The following CSDE1 variants were observed in gnomAD, a reference collection of about 807,000 sequenced individuals.
CSDE1 encodes the protein cold shock domain-containing protein E1.
Under a neutral mutation model 89.3 loss-of-function variants are expected in CSDE1, and 17 were observed. That is an observed-to-expected ratio of 0.19 (90% CI 0.13 to 0.29). CSDE1 has a LOEUF of 0.29. CSDE1 is among the 10% of genes least tolerant of loss of function. The probability of loss-of-function intolerance (pLI) is 1.00; values close to 1 mark genes in which losing one functional copy is unlikely to be tolerated. For missense variants in CSDE1, 672 were observed against 984.2 expected (o/e 0.68, Z 4.24); for synonymous variants, 322 against 332.8 (o/e 0.97, Z 0.35).
At chr1:114,752,080 C>T (rs1661338530) in intron 1 of CSDE1, among the ~76,000 whole-genome samples, 1 of 152,086 alleles carries the variant, frequency 6.6e-6, no homozygotes, top group South Asian at 2.1e-4. Flanking sequence ...GCCTGGGCAA[C>T]GTGGAGAAAC....
At chr1:114,731,405 A>AT (rs935464040) in intron 10 of CSDE1, among the ~76,000 whole-genome samples, 3 of 152,108 alleles carry the variant, frequency 2.0e-5, no homozygotes, top group African/African-American at 7.2e-5. Context: ...AAAAAAAAAA[A>AT]AATCACACAT....
intron 14 of CSDE1, among the ~76,000 whole-genome samples, chr1:114,725,578 G>C (rs529692272): frequency 2.6e-5 from 4 of 152,250 alleles, no homozygotes; most frequent in Admixed American, 6.5e-5. Flanking sequence ...AATTACACAG[G>C]TATAAAGTGG....
chr1:114,736,847 A>G lies in CSDE1; in HGVS notation c.411T>C (p.Phe137=). The change falls in exon 6 of 20, where the codon TTT becomes TTC. Residue 137 remains phenylalanine, a synonymous_variant. Coordinates refer to ENST00000358528, the MANE Select transcript of CSDE1 (RefSeq NM_001007553.3). ...CATCTTCAGGGGTGTAAGTCAGATA[A>G]AACACTTCCTGTGAATTAATAAATC... The part of the protein sequence containing the change: ...SVCYERNGEV[F]YLTYTPEDVE... The G allele has an allele frequency of 6.2e-7, 1 of 1,608,600 alleles. No individual in the cohort carries two copies. The highest frequency in any genetic ancestry group is 8.5e-7 in the Non-Finnish European group (1 of 1,175,970).
At chr1:114,737,816 CT>C (rs1660486317) in intron 4 of CSDE1, 146 bp downstream of exon 4, 2 of 665,770 alleles carry the variant, frequency 3.0e-6, no homozygotes, top group African/African-American at 1.8e-5. Context: ...AATGCCAGTG[CT>C]TTTGATTAAT....
chr1:114,732,484 C>T, intron 10 of CSDE1, 120 bp downstream of exon 10: 5 of 819,192 alleles, frequency 6.1e-6, no homozygotes, highest in Non-Finnish European at 9.8e-6. Flanking sequence ...ATCACCTTAA[C>T]AAGGTAAATG....
At chr1:114,725,504 A>G (rs540487366) in intron 14 of CSDE1, among the ~76,000 whole-genome samples, 171 bp from the exon 15 acceptor site, 1 of 152,344 alleles carries the variant, frequency 6.6e-6, no homozygotes, top group African/African-American at 2.4e-5. Context: ...TGCCCCATGA[A>G]GAGGTAACAT....
chr1:114,732,634 T>C lies in CSDE1; in HGVS notation c.1020A>G (p.Thr340=), dbSNP rs765615057. Residue 340 remains threonine, a synonymous_variant, in exon 10 of 20, where the codon ACA becomes ACG. Transcript: ENST00000358528. ...RATNIEVLSN[T]FQFTNEAREM... The stretch of plus-strand genomic sequence containing the variant: ...CTCGGGCTTCATTAGTGAACTGAAA[T>C]GTATTTGACAGAACTTCTATATTGG... The C allele has an allele frequency of 4.8e-5, 78 of 1,614,056 alleles. No homozygotes were observed. Among genetic ancestry groups the C allele is most frequent in the African/African-American group, 6.7e-5 (5 of 74,938 alleles).
chr1:114,737,361 A>C, intron 5 of CSDE1, 110 bp downstream of exon 5: 1 of 927,220 alleles, frequency 1.1e-6, no homozygotes, highest in Non-Finnish European at 1.6e-6. Context: ...AACCAAATTT[A>C]AAACTGATTT....
rs1359726020 is a variant in CSDE1, at chr1:114,737,981, T to C, written c.291A>G (p.Glu97=). The C allele has an allele frequency of 1.2e-6, 2 of 1,613,340 alleles. No homozygotes were observed. The highest frequency in any genetic ancestry group is 1.7e-5 in the Admixed American group (1 of 60,030). The stretch of plus-strand genomic sequence containing the variant: ...CACTAACTTGTCCATTCATTCGTTC[T>C]TCAGGGAGGATTTCTTGTTTTATCT... ...LVKIKQEILP[E]ERMNGQVVCA... Residue 97 remains glutamate (E), a synonymous_variant, in exon 4 of 20, where the codon GAA becomes GAG. Coordinates refer to ENST00000358528, the MANE Select transcript of CSDE1 (RefSeq NM_001007553.3).
intron 13 of CSDE1, among the ~76,000 whole-genome samples, 200 bp from the exon 14 acceptor site, chr1:114,726,586 GTCTGTATTCCTTATAGAT>G (rs1203842870): frequency 6.6e-6 from 1 of 152,058 alleles, no homozygotes; most frequent in African/African-American, 2.4e-5. Context: ...TTATCTTTCA[GTCTGTATTCCTTATAGAT>G]TCTGAATTTC....
chr1:114,721,902 A>C (rs573519163), intron 16 of CSDE1, among the ~76,000 whole-genome samples: 98 of 119,288 alleles, frequency 8.2e-4, no homozygotes, highest in African/African-American at 3.2e-3. Context: ...TTTTTTTTTG[A>C]GACGGAGTCA....
chr1:114,730,731 T>C, intron 10 of CSDE1, 83 bp from the exon 11 acceptor site: 1 of 1,522,152 alleles, frequency 6.6e-7, no homozygotes, highest in Non-Finnish European at 9.0e-7. Context: ...TCAAGTTAAA[T>C]TCATCAGGAA....
intron 16 of CSDE1, among the ~76,000 whole-genome samples, chr1:114,722,880 A>T (rs1659600976): frequency 6.6e-6 from 1 of 152,200 alleles, no homozygotes; most frequent in African/African-American, 2.4e-5. Context: ...CCATGTGGTA[A>T]AGGAATAGGT....
At position 114,730,729 on chromosome 1, in the gene CSDE1, A is replaced by T. The variant is rs1198864208; in HGVS notation, c.1051-81T>A. 3.9e-6 allele frequency: 6 copies of T among 1,527,412 alleles called. No individual in the cohort carries two copies. The African/African-American group carries it at 8.2e-5, about 21-fold the overall frequency. 94.6% of individuals were successfully genotyped at this position (1,527,412 alleles called of 1,614,324 possible). ...CAACTTTACAACCACCATCAAGTTAAATTCATCAGGAATTTTCTCTGATGT... is the reference window on the plus strand; with the variant it reads ...CAACTTTACAACCACCATCAAGTTATATTCATCAGGAATTTTCTCTGATGT... On this transcript the variant is annotated intron_variant, in intron 10 of 19. Transcript: ENST00000358528.
intron 1 of CSDE1, among the ~76,000 whole-genome samples, chr1:114,751,206 G>A (rs772896290): frequency 6.6e-6 from 1 of 152,176 alleles, no homozygotes; most frequent in Non-Finnish European, 1.5e-5. Context: ...GTCTATAGAA[G>A]AGAAATAAAA....
intron 7 of CSDE1, 25 bp downstream of exon 7, chr1:114,734,417 C>A: frequency 6.2e-7 from 1 of 1,600,686 alleles, no homozygotes; most frequent in Non-Finnish European, 8.5e-7. Context: ...AAAGAAAACT[C>A]AAGTTTCTCA....
In CSDE1 at chr1:114,718,636, G is replaced by C. The variant is rs752167685; in HGVS notation, c.2326C>G (p.Pro776Ala). Residue 776 changes from proline to alanine, a missense_variant, in exon 19 of 20, where the codon CCA (proline) becomes GCA (alanine). By Grantham distance (27) the Pro-to-Ala change is conservative. Transcript: ENST00000358528. ...ACCATTGAGTTATCTGGTCCCCTTG[G>C]CTGACGAAGAACCATTAGGCGAGGA... The part of the protein sequence containing the change: ...SAPRLMVLRQ[P>A]RGPDNSMGFG... 6.2e-7 allele frequency: 1 copy of C among 1,614,102 alleles called. No homozygotes were observed. The highest frequency in any genetic ancestry group is 8.5e-7 in the Non-Finnish European group (1 of 1,180,020).
rs577296411 is a variant in CSDE1, at chr1:114,738,709, C to T, written c.200-637G>A. ...TTTTTTTGAGACAGAGTCTCCCTGT[C>T]ACCCAAGCTGGAGTGCAGCGGCACG... is the stretch of plus-strand genomic sequence containing the variant. On this transcript the variant is annotated intron_variant, in intron 3 of 19. Transcript: ENST00000358528. Among the ~76,000 whole-genome samples the T allele has an allele frequency of 3.6e-3, 429 of 119,488 alleles. 2 individuals carry two copies. Among genetic ancestry groups the T allele is most frequent in the African/African-American group, 0.014 (418 of 30,650 alleles). 78.4% of individuals were successfully genotyped at this position (119,488 alleles called of 152,430 possible).
chr1:114,735,190 G>A (rs540028772), intron 6 of CSDE1, among the ~76,000 whole-genome samples: 6 of 152,144 alleles, frequency 3.9e-5, no homozygotes, highest in Non-Finnish European at 1.5e-5. Flanking sequence ...GTGTAGCAGC[G>A]ATGTAAATTC....
Sources: allele counts gnomAD v4.1 joint callset (sites outside exome capture counted in the v4.1 genomes callset), GRCh38; gene constraint gnomAD v4.1.1; transcripts MANE v1.5; gene names NCBI Gene and HGNC (gene_info 2026-07-23, HGNC 2026-07-21).